CTNNBIP1: variants seen among roughly 807,000 people sequenced by gnomAD.
The protein encoded by CTNNBIP1 is catenin beta interacting protein 1, also known as beta-catenin-interacting protein 1.
A neutral mutation model predicts 11.8 loss-of-function variants in CTNNBIP1; 7 were observed. The ratio of observed to expected loss-of-function variants is 0.60; its 90% CI spans 0.34 to 1.12. The LOEUF is 1.12. Among genes scored for constraint, CTNNBIP1 ranks in the 50% most tolerant of loss-of-function variants. The pLI is 0.03. For synonymous variants in CTNNBIP1, 58 were observed against 43.9 expected, an observed-to-expected ratio of 1.32 and a Z score of -1.26; for missense variants, 101 against 113.4, an observed-to-expected ratio of 0.89 and a Z score of 0.50.
At chr1:9,886,412 G>A (rs939613988) in intron 1 of CTNNBIP1, among the ~76,000 whole-genome samples, 2 of 152,168 alleles carry the variant, frequency 1.3e-5, no homozygotes, top group African/African-American at 4.8e-5. Flanking sequence ...ATCTTCTGAC[G>A]TTGCCATGTG....
chr1:9,893,328 C>T (rs867568514), intron 1 of CTNNBIP1: 2 of 152,210 alleles, frequency 1.3e-5, no homozygotes, highest in African/African-American at 4.8e-5. Context: ...CCCTGGCAAA[C>T]TAGCTCAGGA....
At chr1:9,886,627 G>A (rs1335513820) in intron 1 of CTNNBIP1, among the ~76,000 whole-genome samples, 1 of 152,232 alleles carries the variant, frequency 6.6e-6, no homozygotes, top group South Asian at 2.1e-4. Context: ...TCATGGCCCA[G>A]CTAGTCCACA....
At chr1:9,855,740 T>C (rs1227223231) in intron 5 of CTNNBIP1, among the ~76,000 whole-genome samples, 1 of 151,816 alleles carries the variant, frequency 6.6e-6, no homozygotes, top group Admixed American at 6.6e-5. Context: ...TTTTTTTTTT[T>C]TTTCCTGGAC....
In CTNNBIP1 at chr1:9,875,951, A is replaced by G. The variant is rs149434648; in HGVS notation, c.-25+1954T>C. 7.4e-4 allele frequency among the ~76,000 whole-genome samples: 112 copies of G among 152,348 alleles called. 1 individual carries two copies. Among genetic ancestry groups the G allele is most frequent in the African/African-American group, 2.5e-3 (104 of 41,582 alleles). ...ACAGACATTTCAGTCATGGTGCTCA[A>G]CGAGTATATTAAAGTATGTCTCTGT... is the stretch of plus-strand genomic sequence containing the variant. On this transcript the variant is annotated intron_variant, in intron 3 of 5. Coordinates refer to ENST00000377263, the MANE Select transcript of CTNNBIP1 (RefSeq NM_020248.3).
rs1238144727 is a variant in CTNNBIP1 at position 9,849,889 on chromosome 1, G to C, written c.*829C>G. 10 of 152,066 alleles carry C rather than the reference G, an allele frequency of 6.6e-5. No individual in the cohort carries two copies. The highest frequency in any genetic ancestry group is 1.5e-4 in the Non-Finnish European group (10 of 68,080). 9.4% of individuals were successfully genotyped at this position (152,066 alleles called of 1,614,324 possible). A position where few individuals can be genotyped will look rare whatever the true frequency, so the allele number is the denominator to read the frequency against. Reference sequence around the variant, plus strand: ...GTTCAAGACGACACAAAGCTCCTCAGGGGCCCAACTTTCCAGCTGTGGACC... The same window carrying C: ...GTTCAAGACGACACAAAGCTCCTCACGGGCCCAACTTTCCAGCTGTGGACC... On this transcript the variant is annotated 3_prime_UTR_variant, in exon 6 of 6. Coordinates refer to ENST00000377263, the MANE Select transcript of CTNNBIP1 (RefSeq NM_020248.3).
chr1:9,850,728 C>T lies in CTNNBIP1; in HGVS notation c.236G>A (p.Arg79Gln), dbSNP rs778534202. 10 of 1,613,842 alleles carry T rather than the reference C, an allele frequency of 6.2e-6. No individual in the cohort carries two copies. In the South Asian group the frequency reaches 6.6e-5, roughly 11 times the overall value. Residue 79 changes from arginine (R) to glutamine (Q), a missense_variant, in exon 6 of 6, where the codon CGG (arginine) becomes CAG (glutamine). Arg to Gln is a conservative substitution (Grantham distance 43). Transcript: ENST00000377263. ...MAFSRSETED[R>Q]RQ ...CCAAGGGCTTTGCAGCTACTGCCTC[C>T]GGTCTTCCGTCTCCGACCTGGAAAA...
In CTNNBIP1 at chr1:9,901,860, A is replaced by G. The variant is rs958575991; in HGVS notation, c.-144+8235T>C. On this transcript the variant is annotated intron_variant, in intron 1 of 5. Coordinates refer to ENST00000377263, the MANE Select transcript of CTNNBIP1 (RefSeq NM_020248.3). ...CACCGGGAGTGCCACATACAGTGAC[A>G]TGACAAGGGCTGGTGAAAATAACAT... 7.2e-5 allele frequency among the ~76,000 whole-genome samples: 11 copies of G among 152,234 alleles called. 1 individual carries two copies. The highest frequency in any genetic ancestry group is 6.5e-4 in the Admixed American group (10 of 15,282).
chr1:9,861,827 G>A (rs906643544), intron 5 of CTNNBIP1, among the ~76,000 whole-genome samples: 1 of 152,216 alleles, frequency 6.6e-6, no homozygotes. Context: ...GACTAGCTGT[G>A]TATCCCAGGG....
chr1:9,870,584 A>G (rs1638840302), intron 5 of CTNNBIP1, among the ~76,000 whole-genome samples: 1 of 152,226 alleles, frequency 6.6e-6, no homozygotes, highest in African/African-American at 2.4e-5. Context: ...GTAGCTACCT[A>G]CAATAGAATG....
chr1:9,871,201 T>C lies in CTNNBIP1; in HGVS notation c.173A>G (p.His58Arg), dbSNP rs1638852494. 6.3e-7 allele frequency: 1 copy of C among 1,575,862 alleles called. No homozygotes were observed. The highest frequency in any genetic ancestry group is 8.6e-7 in the Non-Finnish European group (1 of 1,161,426). The change falls in exon 5 of 6, where the codon CAC becomes CGC. Residue 58 changes from histidine (H) to arginine (R), a missense_variant. Transcript: ENST00000377263. The surrounding 1 kb of genome is among the most constrained non-coding windows in gnomAD (Gnocchi z 5.2). ...CGCCAACTCACCCTGGTCGATGGAG[T>C]GCGGAGGCAGCTGGCTGAGCTGGCT... ...VNSQLSQLPP[H>R]SIDQGAEDVV...
intron 5 of CTNNBIP1, among the ~76,000 whole-genome samples, chr1:9,857,807 A>C (rs796744383): frequency 6.6e-6 from 1 of 152,192 alleles, no homozygotes; most frequent in Admixed American, 6.5e-5. Context: ...TCTCAAAAAC[A>C]ATAACAACAA....
chr1:9,869,908 C>T (rs575855403), intron 5 of CTNNBIP1, among the ~76,000 whole-genome samples: 2 of 152,296 alleles, frequency 1.3e-5, no homozygotes, highest in East Asian at 3.9e-4. Context: ...CAGGATGGGG[C>T]GGGAGCCGAC....
intron 1 of CTNNBIP1, among the ~76,000 whole-genome samples, chr1:9,905,620 C>G (rs919374668): frequency 1.3e-5 from 2 of 150,900 alleles, no homozygotes; most frequent in African/African-American, 4.9e-5. Context: ...TTAGTAGAGA[C>G]GGGGTTTCAC....
chr1:9,866,436 G>A (rs954675456), intron 5 of CTNNBIP1, among the ~76,000 whole-genome samples: 1 of 152,108 alleles, frequency 6.6e-6, no homozygotes, highest in Non-Finnish European at 1.5e-5. Flanking sequence ...GCTCCCGCCT[G>A]TAATCCCAGC....
chr1:9,888,601 T>G (rs1639235043), intron 1 of CTNNBIP1, among the ~76,000 whole-genome samples: 1 of 150,672 alleles, frequency 6.6e-6, no homozygotes, highest in Non-Finnish European at 1.5e-5. Flanking sequence ...GGAGAGGCCC[T>G]GCATCTGTCT....
At chr1:9,889,575 A>C (rs1639256545) in intron 1 of CTNNBIP1, among the ~76,000 whole-genome samples, 1 of 151,848 alleles carries the variant, frequency 6.6e-6, no homozygotes, top group African/African-American at 2.4e-5. Flanking sequence ...CTGCTCTACA[A>C]CACCTTCTCT....
intron 5 of CTNNBIP1, among the ~76,000 whole-genome samples, chr1:9,850,991 G>T (rs1017319399): frequency 1.1e-4 from 16 of 152,222 alleles, no homozygotes; most frequent in African/African-American, 3.9e-4. Flanking sequence ...GGGCTGCAAG[G>T]CAGGGCTGCC....
At chr1:9,850,810 C>T (rs1172532351) in intron 5 of CTNNBIP1, 34 bp from the exon 6 acceptor site, 1 of 1,606,806 alleles carries the variant, frequency 6.2e-7, no homozygotes, top group Admixed American at 1.7e-5. Context: ...GCTGATGGGG[C>T]TTGCAGCATT....
rs148545746 is a variant in CTNNBIP1 at position 9,903,158 on chromosome 1, T to C, written c.-144+6937A>G. Among the ~76,000 whole-genome samples the C allele has an allele frequency of 6.6e-3, 1,005 of 152,246 alleles. 13 individuals carry two copies. The highest frequency in any genetic ancestry group is 0.023 in the African/African-American group (946 of 41,518). ...TAAAGCCTTAATAAATATTTGTTAA[T>C]TGAATCAATGAGTCATTAGAAGGAA... is the stretch of plus-strand genomic sequence containing the variant. On this transcript the variant is annotated intron_variant, in intron 1 of 5. Transcript: ENST00000377263.
Sources: allele counts gnomAD v4.1 joint callset (sites outside exome capture counted in the v4.1 genomes callset), GRCh38; gene constraint gnomAD v4.1.1; non-coding constraint Gnocchi (gnomAD v3.1); transcripts MANE v1.5; gene names NCBI Gene and HGNC (gene_info 2026-07-23, HGNC 2026-07-21).